Variants in SLC25A43 observed in about 807,000 individuals in gnomAD.
SLC25A43 encodes solute carrier family 25 member 43.
SLC25A43 carries 10 observed loss-of-function variants against 22.8 expected under a neutral mutation model. That is an observed-to-expected ratio of 0.44 (90% confidence interval 0.27 to 0.74). The LOEUF is 0.74. Among genes scored for constraint, SLC25A43 ranks in the 30% least tolerant of loss-of-function variants. SLC25A43 has a pLI of 0.17. For synonymous variants in SLC25A43, 106 were observed against 121.6 expected, an observed-to-expected ratio of 0.87 and a Z score of 0.84; for missense variants, 233 against 279.1, an observed-to-expected ratio of 0.83 and a Z score of 1.18.
chrX:119,443,295 T>G (rs2052637381), intron 3 of SLC25A43, among the ~76,000 whole-genome samples: 1 of 109,631 alleles, frequency 9.1e-6, no homozygotes, highest in Admixed American at 9.7e-5. Flanking sequence ...AATTTTTGTA[T>G]TTTTAGCAGA....
intron 1 of SLC25A43, among the ~76,000 whole-genome samples, chrX:119,401,977 C>G (rs2052242520): frequency 9.0e-6 from 1 of 110,952 alleles, no homozygotes; most frequent in South Asian, 3.9e-4. Flanking sequence ...TTTTTTTCCC[C>G]TACAGGATTA....
At chrX:119,402,115 C>T (rs1173425027) in intron 1 of SLC25A43, among the ~76,000 whole-genome samples, 2 of 112,321 alleles carry the variant, frequency 1.8e-5, no homozygotes, top group African/African-American at 6.5e-5. Context: ...CATCATTATA[C>T]TGATTCATTT....
At chrX:119,452,492 C>CAAAAAA (rs376677564) in intron 4 of SLC25A43, among the ~76,000 whole-genome samples, 6 of 66,022 alleles carry the variant, frequency 9.1e-5, no homozygotes, top group African/African-American at 1.1e-4. Flanking sequence ...AACTCCATGA[C>CAAAAAA]AAAAAAAAAA....
chrX:119,443,819 C>T (rs2147294339), intron 3 of SLC25A43, among the ~76,000 whole-genome samples: 1 of 109,842 alleles, frequency 9.1e-6, no homozygotes, highest in African/African-American at 3.3e-5. Context: ...AATCTCGGCT[C>T]ACTGCAGCCT....
intron 4 of SLC25A43, among the ~76,000 whole-genome samples, 184 bp downstream of exon 4, chrX:119,452,327 G>T (rs756039270): frequency 1.1e-4 from 12 of 111,144 alleles, no homozygotes; most frequent in Admixed American, 1.1e-3. Context: ...TGCAGTGGTG[G>T]AGTATCTTAT....
In SLC25A43 at chrX:119,402,637, G is replaced by T. The variant is rs4825401; in HGVS notation, c.275+2959G>T. Among the ~76,000 whole-genome samples the T allele has an allele frequency of 5.2e-3, 581 of 111,825 alleles. 13 individuals are homozygous for T. Among genetic ancestry groups the T allele is most frequent in the Admixed American group, 0.05 (519 of 10,464 alleles). Reference sequence around the variant, plus strand: ...ATTACACATATCCAGGGTGTGTGTTGTATCTGTGCTGGCTGAAAGGAAGGG... The same window carrying T: ...ATTACACATATCCAGGGTGTGTGTTTTATCTGTGCTGGCTGAAAGGAAGGG... On this transcript the variant is annotated intron_variant, in intron 1 of 4. Coordinates refer to ENST00000217909, the MANE Select transcript of SLC25A43 (RefSeq NM_145305.3).
At chrX:119,446,151 CAAAAAAAAAAAAA>C (rs3078475) in intron 3 of SLC25A43, among the ~76,000 whole-genome samples, 13 of 38,697 alleles carry the variant, frequency 3.4e-4, no homozygotes, top group Admixed American at 4.6e-4. Context: ...GACTCCATCT[CAAAAAAAAAAAAA>C]AAAAAAAAAA....
intron 3 of SLC25A43, among the ~76,000 whole-genome samples, chrX:119,429,064 CTTT>C (rs758808277): frequency 5.2e-5 from 5 of 97,070 alleles, no homozygotes; most frequent in Non-Finnish European, 4.1e-5. Flanking sequence ...TGTCTTACAT[CTTT>C]TTTTTTTTTT....
At chrX:119,435,457 CTTTTTT>C (rs1175233726) in intron 3 of SLC25A43, among the ~76,000 whole-genome samples, 3,324 of 54,542 alleles carry the variant, frequency 0.061, 44 homozygotes, top group South Asian at 0.19. Context: ...AGATTTTATT[CTTTTTT>C]TTTTTTTTTT....
At chrX:119,451,868 C>G in intron 3 of SLC25A43, 141 bp from the exon 4 acceptor site, 1 of 1,143,126 alleles carries the variant, frequency 8.7e-7, no homozygotes, top group Non-Finnish European at 1.2e-6. Flanking sequence ...ACAAGAAGAA[C>G]CCCACAGCAG....
chrX:119,426,641 G>A (rs751398392), intron 3 of SLC25A43, among the ~76,000 whole-genome samples: 29 of 110,565 alleles, frequency 2.6e-4, no homozygotes, highest in African/African-American at 6.6e-4. Flanking sequence ...TGGCCAACAC[G>A]ACGAAACCCC....
intron 3 of SLC25A43, among the ~76,000 whole-genome samples, chrX:119,413,685 C>T (rs767760787): frequency 5.0e-5 from 5 of 100,435 alleles, no homozygotes; most frequent in East Asian, 3.1e-4. Flanking sequence ...CCAGCCTGGG[C>T]GACAGAGCGA....
rs764296826 is a variant in SLC25A43 at position 119,419,699 on chromosome X, G to C, written c.690+9337G>C. 1.3e-4 allele frequency among the ~76,000 whole-genome samples: 15 copies of C among 111,706 alleles called. No homozygotes were observed. The South Asian group carries it at 5.7e-3, about 42-fold the overall frequency. On this transcript the variant is annotated intron_variant, in intron 3 of 4. Coordinates refer to ENST00000217909, the MANE Select transcript of SLC25A43 (RefSeq NM_145305.3). ...CCCACTGTCACCTCTAACTTAATGT[G>C]CATCAAGCTGACCTCTTCTTTTCCT...
At chrX:119,402,461 G>A (rs1172189935) in intron 1 of SLC25A43, among the ~76,000 whole-genome samples, 1 of 111,991 alleles carries the variant, frequency 8.9e-6, no homozygotes, top group Non-Finnish European at 1.9e-5. Flanking sequence ...ACAACCGCTT[G>A]TCTATCTTAT....
At chrX:119,422,764 C>A (rs1423550033) in intron 3 of SLC25A43, among the ~76,000 whole-genome samples, 2 of 112,121 alleles carry the variant, frequency 1.8e-5, no homozygotes, top group Non-Finnish European at 3.8e-5. Context: ...GCACTTCGCT[C>A]TGAGAATGCA....
chrX:119,410,186 G>A lies in SLC25A43; in HGVS notation c.518-4G>A. 8.3e-7 allele frequency: 1 copy of A among 1,209,210 alleles called. No homozygotes were observed. Among genetic ancestry groups the A allele is most frequent in the Non-Finnish European group, 1.1e-6 (1 of 894,380 alleles). On this transcript the variant is annotated splice_polypyrimidine_tract_variant and splice_region_variant and intron_variant, in intron 2 of 4. Coordinates refer to ENST00000217909, the MANE Select transcript of SLC25A43 (RefSeq NM_145305.3). ...AGCAGCTTCTCCCTGGCCTTGTTTT[G>A]CAGGTGCTCTCCCGTTCTCTGCTGG...
At chrX:119,448,577 C>A (rs2052684175) in intron 3 of SLC25A43, among the ~76,000 whole-genome samples, 1 of 111,190 alleles carries the variant, frequency 9.0e-6, no homozygotes, top group Non-Finnish European at 1.9e-5. Flanking sequence ...GTCCCAGGGC[C>A]TTTGAAGATA....
At chrX:119,407,513 G>A (rs2052309219) in intron 2 of SLC25A43, among the ~76,000 whole-genome samples, 1 of 111,290 alleles carries the variant, frequency 9.0e-6, no homozygotes, top group Non-Finnish European at 1.9e-5. Flanking sequence ...CATTGCATGC[G>A]CTTTCTCATG....
intron 3 of SLC25A43, among the ~76,000 whole-genome samples, chrX:119,435,339 A>G (rs2052593263): frequency 9.1e-6 from 1 of 110,398 alleles, no homozygotes; most frequent in Admixed American, 9.7e-5. Flanking sequence ...TGCTGTTGAA[A>G]TTGGTAAATG....
Sources: allele counts gnomAD v4.1 joint callset (sites outside exome capture counted in the v4.1 genomes callset), GRCh38; gene constraint gnomAD v4.1.1; transcripts MANE v1.5; gene names NCBI Gene and HGNC (gene_info 2026-07-23, HGNC 2026-07-21).